The following PLCB4 variants were observed in gnomAD, a reference collection of about 807,000 sequenced individuals.
PLCB4 encodes phospholipase C beta 4, also known as 1-phosphatidylinositol 4,5-bisphosphate phosphodiesterase beta-4.
PLCB4 carries 77 observed loss-of-function variants against 178.8 expected under a neutral mutation model. The observed-to-expected ratio is 0.43, with a 90% CI of 0.36 to 0.52. The LOEUF is 0.52. Among genes scored for constraint, PLCB4 ranks in the 20% least tolerant of loss-of-function variants. PLCB4 has a pLI of 0.00. For missense variants in PLCB4, 1,024 were observed against 1,453.4 expected (o/e 0.70, Z 4.80); for synonymous variants, 496 against 490.8 (o/e 1.01, Z -0.14).
intron 1 of PLCB4, among the ~76,000 whole-genome samples, chr20:9,074,726 T>C (rs983200879): frequency 1.1e-4 from 16 of 151,644 alleles, no homozygotes; most frequent in Admixed American, 5.9e-4. Context: ...TCTGTGACTT[T>C]GGTGTTTCAG....
intron 3 of PLCB4, among the ~76,000 whole-genome samples, chr20:9,279,890 A>G (rs141754902): frequency 6.6e-6 from 1 of 152,130 alleles, no homozygotes; most frequent in East Asian, 1.9e-4. Context: ...CACGTTATGA[A>G]AATCTCTTTG....
At chr20:9,091,731 T>A in intron 1 of PLCB4, among the ~76,000 whole-genome samples, 1 of 151,814 alleles carries the variant, frequency 6.6e-6, no homozygotes, top group African/African-American at 2.4e-5. Context: ...CTGTTAGTTG[T>A]AGTTCTGTTC....
intron 25 of PLCB4, among the ~76,000 whole-genome samples, chr20:9,413,416 T>C (rs1383120380): frequency 6.6e-6 from 1 of 151,944 alleles, no homozygotes; most frequent in Non-Finnish European, 1.5e-5. Flanking sequence ...TCCCAGCACT[T>C]TGGGAGGCCG....
intron 19 of PLCB4, among the ~76,000 whole-genome samples, chr20:9,397,713 T>C (rs1462917398): frequency 2.0e-5 from 3 of 152,222 alleles, no homozygotes; most frequent in Non-Finnish European, 4.4e-5. Flanking sequence ...GACTGTACTT[T>C]CATTTGTTTT....
In PLCB4 at chr20:9,112,899, T is replaced by A. The variant is rs557084852; in HGVS notation, c.-79+16557T>A. 2.3e-3 allele frequency among the ~76,000 whole-genome samples: 345 copies of A among 151,518 alleles called. 2 individuals are homozygous for A. Among genetic ancestry groups the A allele is most frequent in the Non-Finnish European group, 2.0e-3 (135 of 67,914 alleles). On this transcript the variant is annotated intron_variant, in intron 2 of 39. Coordinates refer to ENST00000378473, the MANE Select transcript of PLCB4 (RefSeq NM_001377142.1). ...TCCTCTTGCCCTTTTTAAAAAAAAATTCAGCTTCTCAAATTGGTACGTATA... is the reference window on the plus strand; with the variant it reads ...TCCTCTTGCCCTTTTTAAAAAAAAAATCAGCTTCTCAAATTGGTACGTATA...
intron 28 of PLCB4, among the ~76,000 whole-genome samples, chr20:9,427,632 T>C (rs1156666751): frequency 6.6e-6 from 1 of 152,236 alleles, no homozygotes; most frequent in African/African-American, 2.4e-5. Context: ...CATTTGCCCA[T>C]TGCAAGGCTT....
At chr20:9,240,067 G>A (rs191105854) in intron 3 of PLCB4, among the ~76,000 whole-genome samples, 182 of 152,284 alleles carry the variant, frequency 1.2e-3, no homozygotes, top group African/African-American at 4.2e-3. Flanking sequence ...TGTTAATCTC[G>A]TTTGGCAAAA....
chr20:9,248,076 A>G (rs1362438878), intron 3 of PLCB4, among the ~76,000 whole-genome samples: 4 of 152,076 alleles, frequency 2.6e-5, no homozygotes, highest in African/African-American at 9.7e-5. Context: ...AATGTTTCTA[A>G]TGTATTGTGA....
intron 9 of PLCB4, among the ~76,000 whole-genome samples, chr20:9,369,506 G>T (rs942819393): frequency 2.0e-5 from 3 of 152,104 alleles, no homozygotes; most frequent in Admixed American, 2.0e-4. Context: ...TCTATACTAG[G>T]AATCTTAACC....
intron 24 of PLCB4, 111 bp downstream of exon 24, chr20:9,409,292 G>A: frequency 1.3e-6 from 1 of 781,430 alleles, no homozygotes. Flanking sequence ...GCAGACATAT[G>A]GCAAAGCAAT....
chr20:9,334,581 A>G (rs913333575), intron 4 of PLCB4, among the ~76,000 whole-genome samples: 2 of 152,186 alleles, frequency 1.3e-5, no homozygotes, highest in Non-Finnish European at 2.9e-5. Context: ...TAAAGTATGC[A>G]TAAAATAGAC....
At chr20:9,453,208 T>A in intron 32 of PLCB4, 139 bp from the exon 33 acceptor site, 1 of 590,946 alleles carries the variant, frequency 1.7e-6, no homozygotes, top group Non-Finnish European at 3.0e-6. Context: ...AGATCTGGAG[T>A]CTGTACTGTT....
intron 32 of PLCB4, among the ~76,000 whole-genome samples, chr20:9,451,384 A>G (rs562470216): frequency 9.2e-5 from 14 of 152,306 alleles, no homozygotes; most frequent in Admixed American, 5.9e-4. Context: ...TTTCAATGAT[A>G]TTTGCAAGAT....
At chr20:9,072,431 A>G (rs1303607188) in intron 1 of PLCB4, among the ~76,000 whole-genome samples, 1 of 151,970 alleles carries the variant, frequency 6.6e-6, no homozygotes, top group East Asian at 1.9e-4. Flanking sequence ...AATGATATAA[A>G]GGTTTTACAT....
At chr20:9,153,346 A>G (rs1003180051) in intron 2 of PLCB4, among the ~76,000 whole-genome samples, 1 of 152,102 alleles carries the variant, frequency 6.6e-6, no homozygotes, top group African/African-American at 2.4e-5. Context: ...CAGAATTCCC[A>G]TGTCTTGTGG....
intron 15 of PLCB4, among the ~76,000 whole-genome samples, chr20:9,388,293 A>G (rs1401377369): frequency 6.6e-6 from 1 of 152,226 alleles, no homozygotes; most frequent in East Asian, 1.9e-4. Flanking sequence ...CAAAAGAATG[A>G]AATTCTGTGG....
chr20:9,414,336 C>T (rs2040090157), intron 25 of PLCB4, among the ~76,000 whole-genome samples: 1 of 152,198 alleles, frequency 6.6e-6, no homozygotes, highest in Non-Finnish European at 1.5e-5. Flanking sequence ...ATTGCCGTCA[C>T]CTGCATGCCT....
chr20:9,261,444 GA>G (rs1183198286), intron 3 of PLCB4, among the ~76,000 whole-genome samples: 1 of 152,070 alleles, frequency 6.6e-6, no homozygotes, highest in Non-Finnish European at 1.5e-5. Context: ...TAAAACTTAG[GA>G]AATATGCTGT....
chr20:9,353,013 T>C (rs1258180615), intron 7 of PLCB4, among the ~76,000 whole-genome samples: 1 of 152,220 alleles, frequency 6.6e-6, no homozygotes, highest in African/African-American at 2.4e-5. Flanking sequence ...GAGGCCCCAG[T>C]TGCTCTCTTT....
Sources: allele counts gnomAD v4.1 joint callset (sites outside exome capture counted in the v4.1 genomes callset), GRCh38; gene constraint gnomAD v4.1.1; transcripts MANE v1.5; gene names NCBI Gene and HGNC (gene_info 2026-07-23, HGNC 2026-07-21).